IGFBP7: variants seen among roughly 807,000 people sequenced by gnomAD.
IGFBP7 encodes insulin like growth factor binding protein 7.
Under a neutral mutation model 29.4 loss-of-function variants are expected in IGFBP7, and 31 were observed. That is an observed-to-expected ratio of 1.05 (90% confidence interval 0.79 to 1.42). The LOEUF is 1.42. Ranked by LOEUF, IGFBP7 falls within the 40% of genes most tolerant of loss-of-function variation. IGFBP7 has a pLI of 0.00. For missense variants in IGFBP7, 393 were observed against 395.5 expected (o/e 0.99, Z 0.05); for synonymous variants, 172 against 174.9 (o/e 0.98, Z 0.13).
chr4:57,052,717 C>G (rs780542882), intron 1 of IGFBP7, among the ~76,000 whole-genome samples: 16 of 152,142 alleles, frequency 1.1e-4, no homozygotes, highest in Admixed American at 4.6e-4. Context: ...CCCTGGTGAC[C>G]GCGTGCCCAG....
At chr4:57,068,985 A>G (rs1724989578) in intron 1 of IGFBP7, among the ~76,000 whole-genome samples, 1 of 151,940 alleles carries the variant, frequency 6.6e-6, no homozygotes, top group Non-Finnish European at 1.5e-5. Context: ...GTGGTAAGGA[A>G]GCCTTTCTGG....
Position 57,031,161 on chromosome 4 carries a change from G to C in IGFBP7, c.*156C>G. The stretch of plus-strand genomic sequence containing the variant: ...ATAATAAATTTTTGTAGATAGTCTT[G>C]ATGTGTGATCTTTATTTTGTATTTC... On this transcript the variant is annotated 3_prime_UTR_variant, in exon 5 of 5. Transcript: ENST00000295666. The C allele has an allele frequency of 4.0e-6, 3 of 749,528 alleles. No individual in the cohort carries two copies. The highest frequency in any genetic ancestry group is 2.5e-5 in the Admixed American group (1 of 39,794). The allele number at this position is 749,528 out of a possible 1,614,324, so 46.4% of individuals were successfully genotyped here. A position where few individuals can be genotyped will look rare whatever the true frequency, so the allele number is the denominator to read the frequency against.
chr4:57,103,602 T>C (rs1456060309), intron 1 of IGFBP7, among the ~76,000 whole-genome samples: 1 of 151,978 alleles, frequency 6.6e-6, no homozygotes, highest in Non-Finnish European at 1.5e-5. Flanking sequence ...TTTTTGTGTG[T>C]GTGGTAACAA....
intron 1 of IGFBP7, among the ~76,000 whole-genome samples, chr4:57,097,902 C>G (rs1725798247): frequency 6.6e-6 from 1 of 152,132 alleles, no homozygotes. Context: ...GTAGGGACAG[C>G]CCTGGGTGAG....
At chr4:57,101,155 T>C (rs1368375192) in intron 1 of IGFBP7, among the ~76,000 whole-genome samples, 1 of 152,258 alleles carries the variant, frequency 6.6e-6, no homozygotes, top group African/African-American at 2.4e-5. Context: ...TCAATAATCC[T>C]GTGAAGGTAT....
At chr4:57,050,908 C>G (rs1724489349) in intron 1 of IGFBP7, among the ~76,000 whole-genome samples, 1 of 152,056 alleles carries the variant, frequency 6.6e-6, no homozygotes, top group Non-Finnish European at 1.5e-5. Context: ...ATGGGGACTT[C>G]TCCGAGTTAT....
intron 1 of IGFBP7, among the ~76,000 whole-genome samples, chr4:57,042,266 T>A (rs1724246361): frequency 6.6e-6 from 1 of 152,260 alleles, no homozygotes; most frequent in East Asian, 1.9e-4. Context: ...AACTATGGCC[T>A]GTGGGCCAAA....
At chr4:57,037,078 T>C (rs1183618302) in intron 2 of IGFBP7, among the ~76,000 whole-genome samples, 1 of 152,204 alleles carries the variant, frequency 6.6e-6, no homozygotes, top group East Asian at 1.9e-4. Flanking sequence ...CCTTCATAAG[T>C]GGTAAGTGTG....
chr4:57,101,028 C>T (rs1725885052), intron 1 of IGFBP7, among the ~76,000 whole-genome samples: 1 of 152,238 alleles, frequency 6.6e-6, no homozygotes, highest in African/African-American at 2.4e-5. Context: ...GTTGCAGATG[C>T]ATTCCTTGCC....
intron 1 of IGFBP7, among the ~76,000 whole-genome samples, chr4:57,042,556 C>T (rs1724255622): frequency 6.6e-6 from 1 of 152,156 alleles, no homozygotes; most frequent in South Asian, 2.1e-4. Flanking sequence ...CCACGTTGGC[C>T]AGGCTGGTCT....
At chr4:57,042,924 C>A (rs1724266018) in intron 1 of IGFBP7, among the ~76,000 whole-genome samples, 1 of 152,180 alleles carries the variant, frequency 6.6e-6, no homozygotes, top group African/African-American at 2.4e-5. Flanking sequence ...CTCAGGACTT[C>A]AATCCTTTAC....
chr4:57,039,782 GC>G lies in IGFBP7; in HGVS notation c.585+1041del, dbSNP rs567349191. 6.9e-4 allele frequency among the ~76,000 whole-genome samples: 103 copies of G among 149,704 alleles called. 2 individuals are homozygous for G. Among genetic ancestry groups the G allele is most frequent in the African/African-American group, 2.3e-3 (92 of 40,632 alleles). On this transcript the variant is annotated intron_variant, in intron 2 of 4. Coordinates refer to ENST00000295666, the MANE Select transcript of IGFBP7 (RefSeq NM_001553.3). ...TGGGGCCACAGGCATGCCTCACCAT[GC>G]CCAGCTAATTAAAAAAATTATTTGT...
intron 2 of IGFBP7, 47 bp from the exon 3 acceptor site, chr4:57,033,358 A>C: frequency 1.6e-6 from 2 of 1,268,748 alleles, no homozygotes; most frequent in Non-Finnish European, 2.3e-6. Context: ...ACACCAGATC[A>C]TCTACTTGGA....
intron 1 of IGFBP7, among the ~76,000 whole-genome samples, chr4:57,088,666 T>C (rs997589368): frequency 1.3e-5 from 2 of 152,130 alleles, no homozygotes; most frequent in African/African-American, 2.4e-5. Context: ...ATGAAGTTAA[T>C]ACTCTCACCA....
At chr4:57,055,610 C>T (rs999471200) in intron 1 of IGFBP7, among the ~76,000 whole-genome samples, 64 of 151,144 alleles carry the variant, frequency 4.2e-4, no homozygotes, top group African/African-American at 1.5e-3. Flanking sequence ...AGCACCGCCA[C>T]CACTTCAATC....
At chr4:57,037,796 G>A (rs745647925) in intron 2 of IGFBP7, among the ~76,000 whole-genome samples, 32 of 152,126 alleles carry the variant, frequency 2.1e-4, no homozygotes, top group Non-Finnish European at 3.4e-4. Flanking sequence ...AGTATCCCTA[G>A]AAAACTGTAG....
intron 2 of IGFBP7, among the ~76,000 whole-genome samples, chr4:57,033,561 A>T (rs554634998): frequency 6.6e-6 from 1 of 152,310 alleles, no homozygotes; most frequent in Non-Finnish European, 1.5e-5. Context: ...TGGGGAATAT[A>T]CATGGTCATA....
At chr4:57,054,565 G>C (rs774186468) in intron 1 of IGFBP7, among the ~76,000 whole-genome samples, 1 of 149,476 alleles carries the variant, frequency 6.7e-6, no homozygotes, top group Non-Finnish European at 1.5e-5. Flanking sequence ...TTTGAACCTG[G>C]GAGGCGGAGG....
intron 1 of IGFBP7, among the ~76,000 whole-genome samples, chr4:57,042,191 C>T (rs1392216160): frequency 6.6e-6 from 1 of 152,158 alleles, no homozygotes; most frequent in Non-Finnish European, 1.5e-5. Flanking sequence ...TACTCAGAGT[C>T]AACACAAACC....
Sources: gnomAD v4.1 joint callset for allele counts (sites outside exome capture counted in the v4.1 genomes callset) on GRCh38, gnomAD v4.1.1 for gene constraint, MANE v1.5 for transcripts, NCBI Gene and HGNC (gene_info 2026-07-23, HGNC 2026-07-21) for gene names.